The following NAALADL2 variants were observed in gnomAD, a reference collection of about 807,000 sequenced individuals.
The protein encoded by NAALADL2 is N-acetylated alpha-linked acidic dipeptidase like 2.
In NAALADL2, 76 loss-of-function variants were observed where a neutral mutation model predicts 87.2. The observed-to-expected ratio is 0.87, with a 90% CI of 0.72 to 1.05. The LOEUF (loss-of-function observed/expected upper bound fraction) is 1.05. Ranked by LOEUF, NAALADL2 falls within the 50% of genes least tolerant of loss-of-function variation. The pLI, the probability that NAALADL2 is intolerant of heterozygous loss-of-function variation, is 0.00. For missense variants in NAALADL2, 1,089 were observed against 945.8 expected (o/e 1.15, Z -1.99); for synonymous variants, 354 against 331.0 (o/e 1.07, Z -0.75).
At chr3:175,701,284 G>A (rs1391773275) in intron 11 of NAALADL2, among the ~76,000 whole-genome samples, 6 of 152,054 alleles carry the variant, frequency 3.9e-5, no homozygotes, top group Non-Finnish European at 8.8e-5. Context: ...AGAAAGTGGG[G>A]GTGAAAATTA....
At chr3:174,559,514 T>C (rs1713317940) in intron 2 of NAALADL2, among the ~76,000 whole-genome samples, 1 of 152,174 alleles carries the variant, frequency 6.6e-6, no homozygotes, top group African/African-American at 2.4e-5. Flanking sequence ...ATGGAGTTGC[T>C]TTAGCCTCCA....
At chr3:175,253,546 T>C (rs1232243922) in intron 3 of NAALADL2, among the ~76,000 whole-genome samples, 1 of 152,200 alleles carries the variant, frequency 6.6e-6, no homozygotes, top group Admixed American at 6.5e-5. Context: ...CTACAGCCCT[T>C]AGATTATAGA....
chr3:175,719,634 C>T (rs1741939898), intron 11 of NAALADL2, among the ~76,000 whole-genome samples: 1 of 152,180 alleles, frequency 6.6e-6, no homozygotes, highest in African/African-American at 2.4e-5. Context: ...CTCACTTAAA[C>T]TCTGGTTTCC....
intron 2 of NAALADL2, among the ~76,000 whole-genome samples, chr3:174,644,821 CTG>C (rs1165580305): frequency 1.3e-5 from 2 of 152,192 alleles, no homozygotes; most frequent in African/African-American, 4.8e-5. Context: ...TGCAAAAAGA[CTG>C]TAGAACAAAC....
intron 4 of NAALADL2, among the ~76,000 whole-genome samples, chr3:175,261,651 A>G (rs1751062928): frequency 1.3e-5 from 2 of 152,084 alleles, no homozygotes; most frequent in Non-Finnish European, 2.9e-5. Flanking sequence ...AATATTAGCT[A>G]GTTTTTTCAT....
At chr3:175,575,137 T>C (rs1320185792) in intron 9 of NAALADL2, among the ~76,000 whole-genome samples, 1 of 152,216 alleles carries the variant, frequency 6.6e-6, no homozygotes, top group South Asian at 2.1e-4. Context: ...CTATATCATC[T>C]TATATTCCCC....
intron 1 of NAALADL2, among the ~76,000 whole-genome samples, chr3:174,516,881 A>G (rs1157111691): frequency 6.6e-6 from 1 of 151,954 alleles, no homozygotes; most frequent in Admixed American, 6.6e-5. Flanking sequence ...AAGAATAGTG[A>G]TTTTGAAATT....
chr3:175,160,142 A>G (rs1169216733), intron 2 of NAALADL2, among the ~76,000 whole-genome samples: 4 of 151,604 alleles, frequency 2.6e-5, no homozygotes, highest in African/African-American at 9.7e-5. Context: ...TCAGGCCGCA[A>G]GTGATTTTCT....
intron 2 of NAALADL2, among the ~76,000 whole-genome samples, chr3:175,106,358 A>C (rs1723163107): frequency 6.6e-6 from 1 of 152,060 alleles, no homozygotes; most frequent in Non-Finnish European, 1.5e-5. Context: ...TTTCCATCAG[A>C]TATATCAGGA....
At chr3:174,919,664 GT>G (rs1266692537) in intron 1 of NAALADL2, among the ~76,000 whole-genome samples, 5 of 152,156 alleles carry the variant, frequency 3.3e-5, no homozygotes, top group Non-Finnish European at 7.3e-5. Context: ...TCCAATTGAT[GT>G]TGATATTTTA....
At chr3:175,221,190 C>T (rs541958504) in intron 2 of NAALADL2, among the ~76,000 whole-genome samples, 22 of 120,308 alleles carry the variant, frequency 1.8e-4, no homozygotes, top group Non-Finnish European at 3.5e-4. Flanking sequence ...CAGAGCAAGA[C>T]TCCGTTTTAA....
At chr3:174,973,863 G>A (rs1480454439) in intron 1 of NAALADL2, among the ~76,000 whole-genome samples, 1 of 152,086 alleles carries the variant, frequency 6.6e-6, no homozygotes, top group East Asian at 1.9e-4. Flanking sequence ...TCAAATATGT[G>A]GTCCATTGAA....
At chr3:175,439,735 T>TC (rs1229451212) in intron 5 of NAALADL2, among the ~76,000 whole-genome samples, 3 of 147,498 alleles carry the variant, frequency 2.0e-5, no homozygotes, top group Non-Finnish European at 3.0e-5. Context: ...TTTTTTCTTT[T>TC]TTTTCTTTTT....
At chr3:175,583,855 T>C (rs918826691) in intron 10 of NAALADL2, among the ~76,000 whole-genome samples, 18 of 152,190 alleles carry the variant, frequency 1.2e-4, no homozygotes, top group Admixed American at 1.1e-3. Context: ...GGACAAATCA[T>C]ATTTGCCAAG....
intron 2 of NAALADL2, among the ~76,000 whole-genome samples, chr3:175,114,516 C>A (rs375705624): frequency 2.6e-5 from 4 of 151,692 alleles, no homozygotes; most frequent in African/African-American, 7.2e-5. Flanking sequence ...TAAATGTATG[C>A]TAAACATATA....
intron 9 of NAALADL2, among the ~76,000 whole-genome samples, chr3:175,505,921 C>T (rs1231009242): frequency 1.3e-5 from 2 of 152,132 alleles, no homozygotes; most frequent in African/African-American, 4.8e-5. Flanking sequence ...AACGGTGTTT[C>T]CTTCTCCTTC....
chr3:174,681,504 T>C (rs1292810611), intron 2 of NAALADL2, among the ~76,000 whole-genome samples: 1 of 151,994 alleles, frequency 6.6e-6, no homozygotes, highest in Non-Finnish European at 1.5e-5. Flanking sequence ...AGTAGCTCAA[T>C]CACAAAAGGA....
intron 1 of NAALADL2, among the ~76,000 whole-genome samples, chr3:174,486,191 TCAGTTAGGCTCTGATAAAAC>T (rs1441340232): frequency 6.6e-6 from 1 of 152,078 alleles, no homozygotes; most frequent in Non-Finnish European, 1.5e-5. Flanking sequence ...TTCTCCCAGG[TCAGTTAGGCTCTGATAAAAC>T]CTCAGAGGTT....
chr3:175,095,286 CCT>C (rs1164169680), intron 1 of NAALADL2, among the ~76,000 whole-genome samples: 1 of 151,980 alleles, frequency 6.6e-6, no homozygotes, highest in Non-Finnish European at 1.5e-5. Context: ...ATCAATCACC[CCT>C]GAGTTTCCCT....
Sources: allele counts gnomAD v4.1 joint callset (sites outside exome capture counted in the v4.1 genomes callset), GRCh38; gene constraint gnomAD v4.1.1; transcripts MANE v1.5; gene names NCBI Gene and HGNC (gene_info 2026-07-23, HGNC 2026-07-21).